Variants in BMPR1B observed in about 807,000 individuals in gnomAD.
The protein encoded by BMPR1B is bone morphogenetic protein receptor type 1B, also known as bone morphogenetic protein receptor type-1B.
BMPR1B carries 12 observed loss-of-function variants against 59.1 expected under a neutral mutation model. That is an observed-to-expected ratio of 0.20 (90% CI 0.13 to 0.33). The LOEUF (loss-of-function observed/expected upper bound fraction) is 0.33, where lower values mean the gene tolerates loss of function less well. Ranked by LOEUF, BMPR1B falls within the 10% of genes least tolerant of loss-of-function variation. The pLI, the probability that BMPR1B is intolerant of heterozygous loss-of-function variation, is 1.00. For synonymous variants in BMPR1B, 237 were observed against 207.3 expected (o/e 1.14, Z -1.23); for missense variants, 550 against 610.9 (o/e 0.90, Z 1.05).
intron 2 of BMPR1B, among the ~76,000 whole-genome samples, chr4:94,916,616 A>G (rs1343988106): frequency 6.6e-6 from 1 of 152,238 alleles, no homozygotes; most frequent in Admixed American, 6.5e-5. Context: ...GAGCAAAGAA[A>G]TGACTTAAAA....
At chr4:95,088,962 T>C (rs1278942688) in intron 3 of BMPR1B, among the ~76,000 whole-genome samples, 3 of 152,176 alleles carry the variant, frequency 2.0e-5, no homozygotes, top group Non-Finnish European at 4.4e-5. Flanking sequence ...TACCAATGAA[T>C]ACAATTTGGT....
At chr4:95,035,663 C>T (rs1337649546) in intron 3 of BMPR1B, among the ~76,000 whole-genome samples, 9 of 152,006 alleles carry the variant, frequency 5.9e-5, no homozygotes, top group African/African-American at 1.9e-4. Context: ...ATCAGTACTA[C>T]ACTGTTTTGG....
In BMPR1B at chr4:95,043,213, A is replaced by G. The variant is rs564309698; in HGVS notation, c.-18+47079A>G. On this transcript the variant is annotated intron_variant, in intron 3 of 12. Transcript: ENST00000515059. ...AAAAAAAAAAAAAAAAAAAAAAAAG[A>G]ATTACCTCACAGTTTATCTATCACC... 5.7e-3 allele frequency among the ~76,000 whole-genome samples: 767 copies of G among 135,478 alleles called. 9 individuals are homozygous for G. The highest frequency in any genetic ancestry group is 9.2e-3 in the Non-Finnish European group (563 of 61,128). 88.9% of individuals were successfully genotyped at this position (135,478 alleles called of 152,430 possible).
At chr4:94,963,044 G>T (rs999562399) in intron 2 of BMPR1B, among the ~76,000 whole-genome samples, 11 of 151,890 alleles carry the variant, frequency 7.2e-5, no homozygotes, top group Non-Finnish European at 1.5e-4. Context: ...AACTCATTGT[G>T]GTTTTGATTT....
At chr4:94,964,339 G>A (rs1459949019) in intron 2 of BMPR1B, among the ~76,000 whole-genome samples, 2 of 151,962 alleles carry the variant, frequency 1.3e-5, no homozygotes, top group Non-Finnish European at 2.9e-5. Flanking sequence ...AATTGCTCTG[G>A]CCAAGACTTC....
At chr4:95,124,880 T>C in intron 7 of BMPR1B, 103 bp from the exon 8 acceptor site, 1 of 1,068,132 alleles carries the variant, frequency 9.4e-7, no homozygotes, top group Non-Finnish European at 1.4e-6. Context: ...GTATTATATT[T>C]AGGTGCTAAA....
At chr4:95,017,680 T>C (rs769417444) in intron 3 of BMPR1B, among the ~76,000 whole-genome samples, 1 of 152,232 alleles carries the variant, frequency 6.6e-6, no homozygotes, top group Non-Finnish European at 1.5e-5. Context: ...AAGCCTGTTA[T>C]CTGGTTTAAT....
At chr4:95,080,115 C>T (rs1039853945) in intron 3 of BMPR1B, among the ~76,000 whole-genome samples, 3 of 152,046 alleles carry the variant, frequency 2.0e-5, no homozygotes, top group African/African-American at 4.8e-5. Flanking sequence ...TCAAAAATTA[C>T]GTTTTCTTAA....
intron 3 of BMPR1B, among the ~76,000 whole-genome samples, chr4:95,021,462 A>G (rs1459305050): frequency 6.6e-6 from 1 of 152,252 alleles, no homozygotes; most frequent in African/African-American, 2.4e-5. Context: ...TTAATGTATT[A>G]TGAAATCAAT....
intron 1 of BMPR1B, among the ~76,000 whole-genome samples, chr4:94,823,937 G>A (rs56997372): frequency 0.12 from 18,457 of 151,924 alleles, 1,477 homozygotes; most frequent in South Asian, 0.27. Context: ...TAGTAGAGAC[G>A]GGGTTTCACC....
At position 95,086,991 on chromosome 4, in the gene BMPR1B, T is replaced by C. The variant is rs569050167; in HGVS notation, c.-17-17417T>C. On this transcript the variant is annotated intron_variant, in intron 3 of 12. Coordinates refer to ENST00000515059, the MANE Select transcript of BMPR1B (RefSeq NM_001203.3). The stretch of plus-strand genomic sequence containing the variant: ...GGAGTAAAGGCCTTGGTGTGTCTCA[T>C]ATCCTTCTTTTTTTTTTTTTTTTTT... 3.1e-4 allele frequency among the ~76,000 whole-genome samples: 45 copies of C among 144,228 alleles called. 1 individual carries two copies. In the East Asian group the frequency reaches 9.2e-3, roughly 30 times the overall value. The allele number at this position is 144,228 out of a possible 152,430, so 94.6% of individuals were successfully genotyped here.
At chr4:94,928,766 T>C (rs1366506355) in intron 2 of BMPR1B, among the ~76,000 whole-genome samples, 1 of 152,066 alleles carries the variant, frequency 6.6e-6, no homozygotes, top group Non-Finnish European at 1.5e-5. Context: ...ATTTTACCTG[T>C]TTATATCTTT....
intron 1 of BMPR1B, among the ~76,000 whole-genome samples, chr4:94,868,987 T>C (rs1360499543): frequency 6.6e-6 from 1 of 152,030 alleles, no homozygotes; most frequent in Non-Finnish European, 1.5e-5. Flanking sequence ...AATGTTAGAG[T>C]GCTCTGAGGA....
chr4:95,139,263 C>T (rs1734034324), intron 10 of BMPR1B, among the ~76,000 whole-genome samples: 1 of 152,134 alleles, frequency 6.6e-6, no homozygotes, highest in African/African-American at 2.4e-5. Context: ...GCTGCCTGAT[C>T]CTTCATCTGG....
intron 1 of BMPR1B, among the ~76,000 whole-genome samples, chr4:94,833,689 GA>G (rs898748205): frequency 3.3e-5 from 5 of 152,134 alleles, no homozygotes; most frequent in Non-Finnish European, 7.4e-5. Flanking sequence ...ATAGAATTTT[GA>G]AAGGATGATA....
At chr4:95,011,214 T>A (rs1259456891) in intron 3 of BMPR1B, among the ~76,000 whole-genome samples, 1 of 152,130 alleles carries the variant, frequency 6.6e-6, no homozygotes, top group Admixed American at 6.5e-5. Context: ...CCAATAGTTA[T>A]TTTTTCTGCT....
chr4:94,974,913 G>T (rs1050183716), intron 2 of BMPR1B, among the ~76,000 whole-genome samples: 10 of 152,120 alleles, frequency 6.6e-5, no homozygotes, highest in Non-Finnish European at 2.9e-5. Flanking sequence ...AACCGTAAAG[G>T]GTTTGGAACA....
At chr4:95,044,457 C>G (rs948657686) in intron 3 of BMPR1B, among the ~76,000 whole-genome samples, 4 of 152,154 alleles carry the variant, frequency 2.6e-5, no homozygotes, top group African/African-American at 7.2e-5. Context: ...AAGGTCAGCC[C>G]TTATCACATG....
At chr4:95,039,115 T>C (rs948702711) in intron 3 of BMPR1B, among the ~76,000 whole-genome samples, 5 of 152,200 alleles carry the variant, frequency 3.3e-5, no homozygotes, top group African/African-American at 7.2e-5. Context: ...AGAATAGTAA[T>C]AGAATTTTAT....
Sources: gnomAD v4.1 joint callset for allele counts (sites outside exome capture counted in the v4.1 genomes callset) on GRCh38, gnomAD v4.1.1 for gene constraint, MANE v1.5 for transcripts, NCBI Gene and HGNC (gene_info 2026-07-23, HGNC 2026-07-21) for gene names.